The following STARD13 variants were observed in gnomAD, a reference collection of about 807,000 sequenced individuals.
STARD13 encodes StAR related lipid transfer domain containing 13, also known as stAR-related lipid transfer protein 13.
STARD13 carries 62 observed loss-of-function variants against 106.4 expected under a neutral mutation model. That is an observed-to-expected ratio of 0.58 (90% CI 0.48 to 0.72). The LOEUF is 0.72. Among genes scored for constraint, STARD13 ranks in the 30% least tolerant of loss-of-function variants. The pLI, the probability that STARD13 is intolerant of heterozygous loss-of-function variation, is 0.00. For missense variants in STARD13, 1,387 were observed against 1,424.0 expected, an observed-to-expected ratio of 0.97 and a Z score of 0.42; for synonymous variants, 565 against 553.0, an observed-to-expected ratio of 1.02 and a Z score of -0.31.
the STARD13 span, among the ~76,000 whole-genome samples, chr13:33,434,426 A>T: frequency 6.6e-6 from 1 of 152,016 alleles, no homozygotes; most frequent in Non-Finnish European, 1.5e-5. Context: ...CAACTTATAC[A>T]CTTATTGAGC....
At chr13:33,441,539 A>G in the STARD13 span, among the ~76,000 whole-genome samples, 4 of 152,194 alleles carry the variant, frequency 2.6e-5, no homozygotes, top group Admixed American at 2.6e-4. Flanking sequence ...AGGAGTAAGT[A>G]CAAAAATTCA....
At chr13:33,381,585 C>T in the STARD13 span, among the ~76,000 whole-genome samples, 2 of 151,908 alleles carry the variant, frequency 1.3e-5, no homozygotes, top group Admixed American at 6.6e-5. Flanking sequence ...TACTGAAACA[C>T]AAAAATTAGC....
At chr13:33,533,094 C>A in the STARD13 span, among the ~76,000 whole-genome samples, 1 of 152,146 alleles carries the variant, frequency 6.6e-6, no homozygotes, top group African/African-American at 2.4e-5. Context: ...AGATTCCAGG[C>A]AGAGGAACAT....
the STARD13 span, among the ~76,000 whole-genome samples, chr13:33,669,964 G>A: frequency 6.6e-6 from 1 of 152,170 alleles, no homozygotes; most frequent in African/African-American, 2.4e-5. Context: ...TCCTGCCCTG[G>A]TAGGCCAACT....
chr13:33,605,409 T>C, the STARD13 span, among the ~76,000 whole-genome samples: 2 of 151,226 alleles, frequency 1.3e-5, no homozygotes, highest in African/African-American at 4.9e-5. Context: ...CTAGTATTTC[T>C]TCTTGAGTCA....
the STARD13 span, among the ~76,000 whole-genome samples, chr13:33,471,546 C>A: frequency 5.3e-5 from 8 of 151,818 alleles, no homozygotes; most frequent in Non-Finnish European, 1.2e-4. Context: ...TATTTCCATT[C>A]TAAAATATAA....
intron 1 of STARD13, among the ~76,000 whole-genome samples, chr13:33,195,156 T>C (rs1325200028): frequency 1.3e-5 from 2 of 152,248 alleles, no homozygotes; most frequent in Non-Finnish European, 2.9e-5. Flanking sequence ...TTTAAATCAA[T>C]GACCAACAAT....
the STARD13 span, among the ~76,000 whole-genome samples, chr13:33,531,866 C>T: frequency 1.3e-5 from 2 of 152,124 alleles, no homozygotes; most frequent in Non-Finnish European, 2.9e-5. Flanking sequence ...TTATAATATT[C>T]CATAATTACT....
At chr13:33,287,479 A>T (rs1191620318), upstream of STARD13, among the ~76,000 whole-genome samples, 1 of 152,288 alleles carries the variant, frequency 6.6e-6, no homozygotes, top group East Asian at 1.9e-4. Context: ...AGAAAGATCT[A>T]TGGGGCCATA....
intron 1 of STARD13, among the ~76,000 whole-genome samples, chr13:33,268,476 C>T (rs1371468736): frequency 6.6e-6 from 1 of 152,234 alleles, no homozygotes; most frequent in Non-Finnish European, 1.5e-5. Flanking sequence ...AAGAGCCGGG[C>T]TCTGTGATAA....
chr13:33,249,219 G>T (rs139112945), intron 1 of STARD13, among the ~76,000 whole-genome samples: 42 of 152,230 alleles, frequency 2.8e-4, no homozygotes, highest in African/African-American at 9.9e-4. Context: ...ACACACAAAG[G>T]TTATCACTGG....
At chr13:33,158,191 A>AAGAG (rs371245565) in intron 3 of STARD13, among the ~76,000 whole-genome samples, 5 of 148,550 alleles carry the variant, frequency 3.4e-5, no homozygotes, top group African/African-American at 9.8e-5. Flanking sequence ...GCTAGAGAGA[A>AAGAG]AGAGAGAGAG....
In STARD13 at chr13:33,349,231, G is replaced by T. The variant is rs1323170436; in HGVS notation, c.125-15C>A. 4.3e-6 allele frequency: 3 copies of T among 702,250 alleles called. No homozygotes were observed. The African/African-American group carries it at 5.2e-5, about 12-fold the overall frequency. 43.5% of individuals were successfully genotyped at this position (702,250 alleles called of 1,614,324 possible). Reference sequence around the variant, plus strand: ...AAGAGATAGTCCTGGAGAGGACACAGAGGCAACAAGGTCCAGAGACTTGCC... The same window carrying T: ...AAGAGATAGTCCTGGAGAGGACACATAGGCAACAAGGTCCAGAGACTTGCC... On this transcript the variant is annotated splice_polypyrimidine_tract_variant and intron_variant, in intron 1 of 1. Transcript: ENST00000439831.
At chr13:33,616,946 G>A in the STARD13 span, among the ~76,000 whole-genome samples, 2 of 152,150 alleles carry the variant, frequency 1.3e-5, no homozygotes, top group African/African-American at 2.4e-5. Flanking sequence ...CAGGCAAGGG[G>A]ACTTGGGTAG....
At chr13:33,323,633 A>T (rs1176635453) in intron 1 of STARD13, among the ~76,000 whole-genome samples, 3 of 152,216 alleles carry the variant, frequency 2.0e-5, no homozygotes. Flanking sequence ...CAAACAAAGC[A>T]CTGTCTCTGA....
intron 1 of STARD13, among the ~76,000 whole-genome samples, chr13:33,216,365 G>A (rs183839903): frequency 1.3e-5 from 2 of 152,254 alleles, no homozygotes; most frequent in Non-Finnish European, 2.9e-5. Context: ...ATATATATAC[G>A]ATAGAATACT....
At chr13:33,495,751 T>A in the STARD13 span, among the ~76,000 whole-genome samples, 1 of 150,490 alleles carries the variant, frequency 6.6e-6, no homozygotes, top group Non-Finnish European at 1.5e-5. Flanking sequence ...GCTAATAATC[T>A]TTCCACATTT....
chr13:33,476,553 T>C, the STARD13 span, among the ~76,000 whole-genome samples: 1 of 152,230 alleles, frequency 6.6e-6, no homozygotes, highest in Admixed American at 6.5e-5. Context: ...ACCATTACCA[T>C]TTTTGTAATG....
At chr13:33,418,324 C>T in the STARD13 span, among the ~76,000 whole-genome samples, 7 of 152,220 alleles carry the variant, frequency 4.6e-5, no homozygotes, top group African/African-American at 1.7e-4. Context: ...GCCCACGGAG[C>T]CTTGCTCACT....
Sources: allele counts gnomAD v4.1 joint callset (sites outside exome capture counted in the v4.1 genomes callset), GRCh38; gene constraint gnomAD v4.1.1; transcripts MANE v1.5; gene names NCBI Gene and HGNC (gene_info 2026-07-23, HGNC 2026-07-21).